The following AFM variants were observed in gnomAD, a reference collection of about 807,000 sequenced individuals.
AFM encodes the protein afamin, also known as alpha-Alb.
AFM carries 82 observed loss-of-function variants against 68.7 expected under a neutral mutation model. That is an observed-to-expected ratio of 1.19 (90% CI 1.00 to 1.43). The LOEUF (loss-of-function observed/expected upper bound fraction) is 1.43. Among genes scored for constraint, AFM ranks in the 40% most tolerant of loss-of-function variants. AFM has a pLI of 0.00. For missense variants in AFM, 772 were observed against 701.8 expected, an observed-to-expected ratio of 1.10 and a Z score of -1.13; for synonymous variants, 250 against 234.2, an observed-to-expected ratio of 1.07 and a Z score of -0.61.
At chr4:73,493,801 C>A (rs926823082) in intron 8 of AFM, among the ~76,000 whole-genome samples, 1 of 152,068 alleles carries the variant, frequency 6.6e-6, no homozygotes, top group Admixed American at 6.6e-5. Context: ...TTCAATTAAA[C>A]AAAATGATAG....
chr4:73,491,586 G>A (rs6852772), intron 7 of AFM, among the ~76,000 whole-genome samples: 35,072 of 152,106 alleles, frequency 0.23, 4,380 homozygotes, highest in Admixed American at 0.34. Flanking sequence ...AAATATATCA[G>A]TGTAGGAGGG....
chr4:73,492,860 C>G (rs543627131), intron 8 of AFM, among the ~76,000 whole-genome samples: 13 of 147,410 alleles, frequency 8.8e-5, no homozygotes, highest in Non-Finnish European at 1.5e-4. Flanking sequence ...AATCCAGGGA[C>G]TTTACTGTTT....
rs752104326 is a variant in AFM, at chr4:73,500,119, T to G, written c.1538T>G (p.Leu513Trp). 8 of 1,613,944 alleles carry G rather than the reference T, an allele frequency of 5.0e-6. No individual in the cohort carries two copies. The East Asian group carries it at 1.8e-4, about 36-fold the overall frequency. The change falls in exon 12 of 15, where the codon TTG (leucine) becomes TGG (tryptophan). Residue 513 changes from leucine to tryptophan, a missense_variant. Leu to Trp is a moderately conservative substitution (Grantham distance 61, BLOSUM62 -2). Coordinates refer to ENST00000226355, the MANE Select transcript of AFM (RefSeq NM_001133.2). ...TTCAGAAGGCCCTGCTTTGAGAGTT[T>G]GAAAGCTGATAAAACATATGTGCCT... ...FAFRRPCFES[L>W]KADKTYVPPP...
At chr4:73,502,995 A>G in intron 13 of AFM, 55 bp from the exon 14 acceptor site, 1 of 1,502,258 alleles carries the variant, frequency 6.7e-7, no homozygotes, top group South Asian at 1.1e-5. Flanking sequence ...CTAAATTTAA[A>G]CTAGTGTCTT....
At chr4:73,491,038 G>T (rs1177949836) in intron 7 of AFM, among the ~76,000 whole-genome samples, 1 of 152,204 alleles carries the variant, frequency 6.6e-6, no homozygotes, top group East Asian at 1.9e-4. Context: ...GCTTGAAATA[G>T]TCTAGTGTGT....
In AFM at chr4:73,499,266, C is replaced by A; in HGVS notation, c.1422+20C>A. 6.6e-7 allele frequency: 1 copy of A among 1,515,770 alleles called. No homozygotes were observed. Among genetic ancestry groups the A allele is most frequent in the Non-Finnish European group, 8.8e-7 (1 of 1,134,150 alleles). The allele number at this position is 1,515,770 out of a possible 1,614,324, so 93.9% of individuals were successfully genotyped here. A position where few individuals can be genotyped will look rare whatever the true frequency, so the allele number is the denominator to read the frequency against. ...AATTTGGTGAGCATGGCCTGTGTAC[C>A]AGACTACTCTTTTTTTTTTTTTTTA... On this transcript the variant is annotated intron_variant, in intron 11 of 14. Transcript: ENST00000226355.
chr4:73,486,099 A>AGGT (rs1560409032), intron 4 of AFM, 26 bp downstream of exon 4: 1 of 1,578,064 alleles, frequency 6.3e-7, no homozygotes, highest in Admixed American at 1.7e-5. Flanking sequence ...GTAAAAAATG[A>AGGT]TCCAGTTGAA....
At chr4:73,490,964 T>C (rs1375914272) in intron 7 of AFM, among the ~76,000 whole-genome samples, 1 of 152,200 alleles carries the variant, frequency 6.6e-6, no homozygotes, top group Non-Finnish European at 1.5e-5. Flanking sequence ...CTTCATCTTA[T>C]TCCTTATCCT....
chr4:73,483,047 A>T (rs1394434616), intron 1 of AFM, among the ~76,000 whole-genome samples: 2 of 152,104 alleles, frequency 1.3e-5, no homozygotes, highest in East Asian at 1.9e-4. Flanking sequence ...CCACTTTCTC[A>T]TCAAAATAGA....
intron 9 of AFM, among the ~76,000 whole-genome samples, 197 bp from the exon 10 acceptor site, chr4:73,497,455 G>C (rs924244779): frequency 6.6e-6 from 1 of 152,064 alleles, no homozygotes; most frequent in African/African-American, 2.4e-5. Flanking sequence ...TTTAAATTTA[G>C]CAAGAAATAT....
At chr4:73,500,586 C>A (rs1448640393) in intron 12 of AFM, among the ~76,000 whole-genome samples, 5 of 152,056 alleles carry the variant, frequency 3.3e-5, no homozygotes, top group Non-Finnish European at 7.4e-5. Context: ...CCTAAAGGGC[C>A]AGGAAGTTTA....
intron 7 of AFM, among the ~76,000 whole-genome samples, chr4:73,489,871 G>C (rs1226949621): frequency 6.6e-6 from 1 of 152,096 alleles, no homozygotes; most frequent in Non-Finnish European, 1.5e-5. Context: ...CATGCATGCG[G>C]GGCTTAAAAC....
Position 73,481,833 on chromosome 4 carries a change from C to G in AFM, c.58C>G (p.Leu20Val). The part of the protein sequence containing the change: ...IFFLFFLTES[L>V]TLPTQPRDIE... ...TTTCTTGTTTTTTTTGACTGAATCC[C>G]TAACCCTGCCCACACAACCTCGGGA... Residue 20 changes from leucine to valine, a missense_variant, in exon 1 of 15, where the codon CTA (leucine) becomes GTA (valine). Leu to Val is a conservative substitution (Grantham distance 32). Transcript: ENST00000226355. 6.2e-7 allele frequency: 1 copy of G among 1,608,862 alleles called. No homozygotes were observed. Among genetic ancestry groups the G allele is most frequent in the Non-Finnish European group, 8.5e-7 (1 of 1,177,516 alleles).
At chr4:73,496,116 C>T (rs1721246331) in intron 9 of AFM, among the ~76,000 whole-genome samples, 1 of 152,274 alleles carries the variant, frequency 6.6e-6, no homozygotes, top group Non-Finnish European at 1.5e-5. Flanking sequence ...AAAATTTATT[C>T]TCTCACAAGA....
At chr4:73,492,984 C>T (rs1414734614) in intron 8 of AFM, among the ~76,000 whole-genome samples, 2 of 151,282 alleles carry the variant, frequency 1.3e-5, no homozygotes, top group Non-Finnish European at 2.9e-5. Context: ...TCTTTTATTT[C>T]TAATAGCATC....
intron 7 of AFM, among the ~76,000 whole-genome samples, chr4:73,491,415 CT>C (rs1721067668): frequency 6.6e-6 from 1 of 152,150 alleles, no homozygotes; most frequent in African/African-American, 2.4e-5. Flanking sequence ...ACTTGTCATT[CT>C]TTCATTCATT....
rs1463285684 is a variant in AFM at position 73,484,454 on chromosome 4, C to CTT, written c.270+66_270+67dup. On this transcript the variant is annotated intron_variant, in intron 3 of 14. Coordinates refer to ENST00000226355, the MANE Select transcript of AFM (RefSeq NM_001133.2). ...TGTCTTTCTTTCTCTTTCTTTCTTTCTTTCTTTCTTTCTTTCTTTCTTTCT... is the reference window on the plus strand; with the variant it reads ...TGTCTTTCTTTCTCTTTCTTTCTTTCTTTTTCTTTCTTTCTTTCTTTCTTTCT... 7.2e-6 allele frequency: 3 copies of CTT among 417,928 alleles called. No homozygotes were observed. In the Admixed American group the frequency reaches 1.5e-4, roughly 20 times the overall value. 25.9% of individuals were successfully genotyped at this position (417,928 alleles called of 1,614,324 possible).
Position 73,491,917 on chromosome 4 carries a change from A to G in AFM, c.889A>G (p.Ser297Gly). ...TTGTTCAAAACAAGATTCTATCTCC[A>G]GCAAAATCAAAGAGTGCTGTGAAAA... ...HICSKQDSIS[S>G]KIKECCEKKI... is the part of the protein sequence containing the mutation. Residue 297 changes from serine to glycine, a missense_variant, in exon 8 of 15, where the codon AGC (serine) becomes GGC (glycine). By Grantham distance (56) the Ser-to-Gly change is moderately conservative. Transcript: ENST00000226355. 6.2e-7 allele frequency: 1 copy of G among 1,614,038 alleles called. No homozygotes were observed. Among genetic ancestry groups the G allele is most frequent in the Non-Finnish European group, 8.5e-7 (1 of 1,179,952 alleles).
Position 73,497,737 on chromosome 4 carries a change from G to A in AFM, c.1277G>A (p.Gly426Asp). The change falls in exon 10 of 15, where the codon GGT becomes GAT. Residue 426 changes from glycine to aspartate, a missense_variant. Physicochemically the swap from Gly to Asp is moderately conservative, Grantham distance 94. Transcript: ENST00000226355. ...CKHFQNLGKD[G>D]LKYHYLIRLT... is the part of the protein sequence containing the mutation. ...CATTTCCAGAATTTGGGGAAGGATG[G>A]TTTGAAATACCAGTATGTTGTTTGC... 6.3e-7 allele frequency: 1 copy of A among 1,597,622 alleles called. No individual in the cohort carries two copies. The highest frequency in any genetic ancestry group is 1.1e-5 in the South Asian group (1 of 89,612).
Sources: gnomAD v4.1 joint callset for allele counts (sites outside exome capture counted in the v4.1 genomes callset) on GRCh38, gnomAD v4.1.1 for gene constraint, MANE v1.5 for transcripts, NCBI Gene and HGNC (gene_info 2026-07-23, HGNC 2026-07-21) for gene names.